FOXJ3: variants seen among roughly 807,000 people sequenced by gnomAD.
FOXJ3 encodes forkhead box protein J3.
Under a neutral mutation model 76.1 loss-of-function variants are expected in FOXJ3, and 22 were observed. That is an observed-to-expected ratio of 0.29 (90% CI 0.21 to 0.41). The LOEUF is 0.41. Among genes scored for constraint, FOXJ3 ranks in the 10% least tolerant of loss-of-function variants. FOXJ3 has a pLI of 1.00. For synonymous variants in FOXJ3, 269 were observed against 261.2 expected, an observed-to-expected ratio of 1.03 and a Z score of -0.29; for missense variants, 613 against 762.1, an observed-to-expected ratio of 0.80 and a Z score of 2.30.
intron 3 of FOXJ3, among the ~76,000 whole-genome samples, chr1:42,276,119 G>A (rs1165921125): frequency 6.6e-6 from 1 of 152,194 alleles, no homozygotes; most frequent in Non-Finnish European, 1.5e-5. Context: ...ACTTTGGGAG[G>A]CTGAGGCAGG....
intron 3 of FOXJ3, among the ~76,000 whole-genome samples, chr1:42,271,108 G>A (rs867419499): frequency 3.0e-4 from 46 of 152,086 alleles, no homozygotes; most frequent in Admixed American, 7.2e-4. Flanking sequence ...TTCCACTACC[G>A]GACACAAATC....
At chr1:42,252,501 ATTC>A (rs1355754618) in intron 4 of FOXJ3, among the ~76,000 whole-genome samples, 1 of 150,922 alleles carries the variant, frequency 6.6e-6, no homozygotes, top group Non-Finnish European at 1.5e-5. Flanking sequence ...CGTCTATTTG[ATTC>A]TTCTCTCTTT....
chr1:42,248,739 T>C (rs796539550), intron 4 of FOXJ3, among the ~76,000 whole-genome samples: 26 of 146,536 alleles, frequency 1.8e-4, no homozygotes, highest in South Asian at 6.5e-4. Context: ...TCTTTTTTTT[T>C]TTTTTTTTTT....
At chr1:42,225,423 TA>T (rs1190469028) in intron 5 of FOXJ3, among the ~76,000 whole-genome samples, 1 of 151,858 alleles carries the variant, frequency 6.6e-6, no homozygotes, top group East Asian at 1.9e-4. Flanking sequence ...CTTCCCACTC[TA>T]AAAAAAACTC....
intron 1 of FOXJ3, among the ~76,000 whole-genome samples, chr1:42,330,497 G>A (rs1048977338): frequency 6.6e-6 from 1 of 152,096 alleles, no homozygotes; most frequent in Non-Finnish European, 1.5e-5. Flanking sequence ...AATTAGCTGA[G>A]CATGGTGGCG....
At chr1:42,316,792 T>C (rs1431217443) in intron 1 of FOXJ3, among the ~76,000 whole-genome samples, 1 of 152,048 alleles carries the variant, frequency 6.6e-6, no homozygotes. Flanking sequence ...AACCAAACGA[T>C]GTATGTTCTC....
intron 1 of FOXJ3, chr1:42,315,443 A>T: frequency 1.0e-6 from 1 of 983,192 alleles, no homozygotes; most frequent in Non-Finnish European, 1.2e-6. Context: ...AGGGAAAATG[A>T]TCTCATACTA....
intron 4 of FOXJ3, among the ~76,000 whole-genome samples, chr1:42,236,934 C>A (rs1224982933): frequency 6.6e-6 from 1 of 152,164 alleles, no homozygotes; most frequent in Non-Finnish European, 1.5e-5. Flanking sequence ...ACTTATTTGC[C>A]ACCCATATAT....
chr1:42,197,492 G>A (rs1182551191), intron 7 of FOXJ3, among the ~76,000 whole-genome samples: 2 of 151,834 alleles, frequency 1.3e-5, no homozygotes, highest in African/African-American at 2.4e-5. Flanking sequence ...TGGTATCCAC[G>A]AGGGACTGGT....
chr1:42,279,751 G>C (rs1652558304), intron 2 of FOXJ3, among the ~76,000 whole-genome samples: 1 of 151,860 alleles, frequency 6.6e-6, no homozygotes, highest in African/African-American at 2.4e-5. Context: ...CAATAAAGTA[G>C]AGAAGAATGA....
At chr1:42,299,519 G>A (rs943764807) in intron 2 of FOXJ3, among the ~76,000 whole-genome samples, 4 of 148,636 alleles carry the variant, frequency 2.7e-5, no homozygotes, top group African/African-American at 5.0e-5. Flanking sequence ...GGGGTCTCTT[G>A]CTGGCAGCAG....
intron 10 of FOXJ3, 47 bp from the exon 11 acceptor site, chr1:42,188,975 C>T (rs780994193): frequency 2.4e-6 from 3 of 1,235,366 alleles, no homozygotes; most frequent in Middle Eastern, 1.9e-4. Context: ...ATGCAATAAA[C>T]ATTGCAAGGA....
chr1:42,195,192 C>T lies in FOXJ3; in HGVS notation c.760-128G>A, dbSNP rs1382262285. On this transcript the variant is annotated intron_variant, in intron 7 of 12. Transcript: ENST00000361346. The stretch of plus-strand genomic sequence containing the variant: ...AAGAAAATAACTCTTCTGTCTTAGG[C>T]TTTCCCATCCTCTGTTAAAGCATAA... 9.5e-6 allele frequency: 6 copies of T among 629,442 alleles called. No homozygotes were observed. In the South Asian group the frequency reaches 1.5e-4, roughly 16 times the overall value. The allele number at this position is 629,442 out of a possible 1,614,324, so 39.0% of individuals were successfully genotyped here. A position where few individuals can be genotyped will look rare whatever the true frequency, so the allele number is the denominator to read the frequency against.
chr1:42,178,050 A>G lies in FOXJ3; in HGVS notation c.*1660T>C, dbSNP rs752968032. ...AAAAACCCTCATTTCTTCTAGTTTT[A>G]TCATAAAACTAAGATAATCAGTCCA... On this transcript the variant is annotated 3_prime_UTR_variant, in exon 13 of 13. Transcript: ENST00000361346. The G allele has an allele frequency of 6.6e-6, 1 of 152,596 alleles. No homozygotes were observed. The highest frequency in any genetic ancestry group is 1.5e-5 in the Non-Finnish European group (1 of 68,040). The allele number at this position is 152,596 out of a possible 1,614,324, so 9.5% of individuals were successfully genotyped here.
intron 4 of FOXJ3, among the ~76,000 whole-genome samples, chr1:42,248,534 C>CAAAA (rs4019586): frequency 4.0e-4 from 54 of 136,042 alleles, no homozygotes; most frequent in African/African-American, 1.5e-3. Flanking sequence ...ACTGCGTCTC[C>CAAAA]AAAAAAAAAA....
At chr1:42,326,025 C>T (rs763697992) in intron 1 of FOXJ3, among the ~76,000 whole-genome samples, 4 of 152,098 alleles carry the variant, frequency 2.6e-5, no homozygotes, top group East Asian at 1.9e-4. Context: ...CTTTGGGAGG[C>T]GGATCACATG....
intron 1 of FOXJ3, among the ~76,000 whole-genome samples, chr1:42,327,672 T>G (rs1443855012): frequency 6.6e-6 from 1 of 152,028 alleles, no homozygotes; most frequent in Non-Finnish European, 1.5e-5. Context: ...ATTAGTGGTG[T>G]CAAAGGTCAG....
chr1:42,191,239 A>C, intron 9 of FOXJ3, 64 bp downstream of exon 9: 1 of 1,464,280 alleles, frequency 6.8e-7, no homozygotes, highest in Non-Finnish European at 9.2e-7. Context: ...CATGAGCTCT[A>C]AATAACAAAG....
intron 7 of FOXJ3, 147 bp from the exon 8 acceptor site, chr1:42,195,211 A>G (rs371117385): frequency 1.6e-4 from 90 of 566,524 alleles, no homozygotes; most frequent in African/African-American, 1.5e-3. Flanking sequence ...CCTCTGTTAA[A>G]GCATAATGGA....
Sources: allele counts gnomAD v4.1 joint callset (sites outside exome capture counted in the v4.1 genomes callset), GRCh38; gene constraint gnomAD v4.1.1; transcripts MANE v1.5; gene names NCBI Gene and HGNC (gene_info 2026-07-23, HGNC 2026-07-21).